KDM4C: variants seen among roughly 807,000 people sequenced by gnomAD.
The protein encoded by KDM4C is lysine-specific demethylase 4C.
KDM4C carries 81 observed loss-of-function variants against 129.3 expected under a neutral mutation model. The ratio of observed to expected loss-of-function variants is 0.63; its 90% CI spans 0.52 to 0.75. KDM4C has a LOEUF of 0.75. Among genes scored for constraint, KDM4C ranks in the 30% least tolerant of loss-of-function variants. The pLI, the probability that KDM4C is intolerant of heterozygous loss-of-function variation, is 0.00. For synonymous variants in KDM4C, 573 were observed against 456.1 expected, an observed-to-expected ratio of 1.26 and a Z score of -3.26; for missense variants, 1,457 against 1,304.0, an observed-to-expected ratio of 1.12 and a Z score of -1.81.
At chr9:6,726,548 C>G (rs1817134604) in intron 1 of KDM4C, 2 of 152,388 alleles carry the variant, frequency 1.3e-5, no homozygotes, top group African/African-American at 4.8e-5. Context: ...CTTGGAAACA[C>G]CTTCGCCTTC....
At chr9:6,840,551 C>A (rs1250068476) in intron 4 of KDM4C, among the ~76,000 whole-genome samples, 1 of 152,116 alleles carries the variant, frequency 6.6e-6, no homozygotes, top group Non-Finnish European at 1.5e-5. Context: ...CGTCTGCCAC[C>A]ACGCCTGGCT....
intron 1 of KDM4C, among the ~76,000 whole-genome samples, chr9:6,791,688 A>C (rs968746195): frequency 6.6e-6 from 1 of 152,178 alleles, no homozygotes; most frequent in Non-Finnish European, 1.5e-5. Flanking sequence ...CAGAACTGGT[A>C]TATAGAAGCA....
At chr9:7,114,137 T>C (rs755621835) in intron 18 of KDM4C, among the ~76,000 whole-genome samples, 12 of 152,216 alleles carry the variant, frequency 7.9e-5, no homozygotes, top group Admixed American at 2.6e-4. Flanking sequence ...GAGGGGCTGC[T>C]ACCATACTAC....
At chr9:6,940,570 G>A (rs1216774582) in intron 8 of KDM4C, among the ~76,000 whole-genome samples, 1 of 152,068 alleles carries the variant, frequency 6.6e-6, no homozygotes, top group African/African-American at 2.4e-5. Flanking sequence ...TCATCCACAA[G>A]GCAGAGATAT....
At chr9:7,014,065 A>C in intron 14 of KDM4C, 64 bp downstream of exon 14, 17 of 1,363,882 alleles carry the variant, frequency 1.2e-5, no homozygotes, top group Non-Finnish European at 1.5e-5. Flanking sequence ...TTTATTTCTC[A>C]CTTTTTTGGA....
intron 5 of KDM4C, among the ~76,000 whole-genome samples, chr9:6,858,620 A>G (rs113151444): frequency 5.1e-4 from 78 of 152,188 alleles, no homozygotes; most frequent in African/African-American, 1.7e-3. Context: ...CTAAATATGA[A>G]AAGTTAGCCG....
At chr9:7,085,442 C>T (rs555663284) in intron 17 of KDM4C, among the ~76,000 whole-genome samples, 2 of 152,194 alleles carry the variant, frequency 1.3e-5, no homozygotes, top group African/African-American at 4.8e-5. Flanking sequence ...TGAGGAACAA[C>T]AAAGAGGGAG....
At chr9:7,102,106 G>A (rs1053089749) in intron 17 of KDM4C, among the ~76,000 whole-genome samples, 1 of 152,160 alleles carries the variant, frequency 6.6e-6, no homozygotes, top group Non-Finnish European at 1.5e-5. Context: ...ATTTGTGTGT[G>A]TATATATGTG....
intron 5 of KDM4C, among the ~76,000 whole-genome samples, chr9:6,865,244 G>A (rs556096144): frequency 1.2e-4 from 18 of 152,182 alleles, no homozygotes; most frequent in South Asian, 6.2e-4. Flanking sequence ...TCCTGACCTC[G>A]TGATCCGACC....
intron 1 of KDM4C, chr9:6,727,139 G>A (rs1394762887): frequency 1.3e-5 from 2 of 152,200 alleles, no homozygotes; most frequent in Non-Finnish European, 2.9e-5. Context: ...GCTCACGCCT[G>A]TCCTTTACAC....
At chr9:6,865,873 C>G (rs1456373965) in intron 5 of KDM4C, among the ~76,000 whole-genome samples, 1 of 152,134 alleles carries the variant, frequency 6.6e-6, no homozygotes, top group Non-Finnish European at 1.5e-5. Context: ...GCCTCAGCCT[C>G]CCGAGTAGCT....
At chr9:6,879,265 A>C (rs1173007408) in intron 5 of KDM4C, among the ~76,000 whole-genome samples, 1 of 152,172 alleles carries the variant, frequency 6.6e-6, no homozygotes, top group Admixed American at 6.5e-5. Context: ...AAATGCCTTT[A>C]CAATTTAGTA....
chr9:6,798,449 G>A (rs1451333621), intron 2 of KDM4C, among the ~76,000 whole-genome samples: 2 of 151,920 alleles, frequency 1.3e-5, no homozygotes, highest in Non-Finnish European at 2.9e-5. Flanking sequence ...CTCTTAACGA[G>A]CATGCTGCCT....
chr9:6,796,611 T>C (rs773417651), intron 2 of KDM4C, among the ~76,000 whole-genome samples: 1 of 152,196 alleles, frequency 6.6e-6, no homozygotes, highest in Non-Finnish European at 1.5e-5. Flanking sequence ...CTGTCTGCAT[T>C]ATGTAACTGA....
intron 1 of KDM4C, among the ~76,000 whole-genome samples, chr9:6,760,936 G>C (rs1287326587): frequency 6.6e-6 from 1 of 150,902 alleles, no homozygotes. Flanking sequence ...GCCAACTTCA[G>C]TTCTCCAGTT....
At chr9:7,081,390 A>G (rs1453339343) in intron 17 of KDM4C, among the ~76,000 whole-genome samples, 1 of 152,178 alleles carries the variant, frequency 6.6e-6, no homozygotes, top group Non-Finnish European at 1.5e-5. Flanking sequence ...GCTGGCGTGC[A>G]CAGAGCTTTA....
chr9:6,982,638 A>G (rs1392706919), intron 9 of KDM4C: 1 of 152,234 alleles, frequency 6.6e-6, no homozygotes, highest in Non-Finnish European at 1.5e-5. Context: ...GCACTAAAGA[A>G]GCCAGCGCTG....
intron 18 of KDM4C, among the ~76,000 whole-genome samples, chr9:7,123,000 A>G (rs1798045276): frequency 6.6e-6 from 1 of 152,200 alleles, no homozygotes; most frequent in Non-Finnish European, 1.5e-5. Flanking sequence ...GTAATCAGTT[A>G]TGGGGTATGC....
chr9:6,759,227 T>G (rs1003756287), intron 1 of KDM4C, among the ~76,000 whole-genome samples: 1 of 152,182 alleles, frequency 6.6e-6, no homozygotes, highest in African/African-American at 2.4e-5. Flanking sequence ...GCCACTTAGG[T>G]TCACACTAAA....
Sources: allele counts gnomAD v4.1 joint callset (sites outside exome capture counted in the v4.1 genomes callset), GRCh38; gene constraint gnomAD v4.1.1; transcripts MANE v1.5; gene names NCBI Gene and HGNC (gene_info 2026-07-23, HGNC 2026-07-21).